BCL2L12: variants seen among roughly 807,000 people sequenced by gnomAD.
The protein encoded by BCL2L12 is BCL2 like 12.
BCL2L12 carries 27 observed loss-of-function variants against 25.7 expected under a neutral mutation model. That is an observed-to-expected ratio of 1.05 (90% CI 0.78 to 1.45). BCL2L12 has a LOEUF of 1.45. Ranked by LOEUF, BCL2L12 falls within the 40% of genes most tolerant of loss-of-function variation. The pLI is 0.00. For synonymous variants in BCL2L12, 132 were observed against 145.6 expected (o/e 0.91, Z 0.67); for missense variants, 302 against 329.8 (o/e 0.92, Z 0.65).
At chr19:49,665,311 A>G (rs1264120119), upstream of BCL2L12, 1 of 174,378 alleles carries the variant, frequency 5.7e-6, no homozygotes, top group Admixed American at 5.6e-5. Context: ...ACTTCCATTC[A>G]ATTCCCCTCC....
At position 49,673,774 on chromosome 19, in the gene BCL2L12, A is replaced by G; in HGVS notation, c.*26A>G. ...GCTCTTTCTCAGAAGCTGCTACAAG[A>G]TGACACCTCATGTCCCTGCCCTCTT... On this transcript the variant is annotated 3_prime_UTR_variant, in exon 7 of 7. Transcript: ENST00000246784. 1 of 1,613,558 alleles carries G rather than the reference A, an allele frequency of 6.2e-7. No individual in the cohort carries two copies.
rs2081940826 is a variant in BCL2L12, at chr19:49,670,547, G to C, written c.702+59G>C. 3 of 1,510,746 alleles carry C rather than the reference G, an allele frequency of 2.0e-6. No individual in the cohort carries two copies. In the African/African-American group the frequency reaches 4.2e-5, roughly 21 times the overall value. 93.6% of individuals were successfully genotyped at this position (1,510,746 alleles called of 1,614,324 possible). A position where few individuals can be genotyped will look rare whatever the true frequency, so the allele number is the denominator to read the frequency against. On this transcript the variant is annotated intron_variant, in intron 6 of 6. Transcript: ENST00000246784. ...CTTTACCTAACTGTCATGTGATAGA[G>C]GAGGGGCGGGGACTTCTTAGGTTCC... is the stretch of plus-strand genomic sequence containing the variant.
Position 49,669,072 on chromosome 19 carries a change from T to A in BCL2L12, c.386T>A (p.Leu129Gln). 1.2e-6 allele frequency: 2 copies of A among 1,614,148 alleles called. No homozygotes were observed. Among genetic ancestry groups the A allele is most frequent in the Non-Finnish European group, 1.7e-6 (2 of 1,180,012 alleles). ...STEKEAILRR[L>Q]VALLEEEAEV... ...GAGAAGGAAGCCATACTGCGGAGGC[T>A]GGTGGCCCTGCTGGAGGAGGAGGCA... is the stretch of plus-strand genomic sequence containing the variant. The change falls in exon 5 of 7, where the codon CTG becomes CAG. Residue 129 changes from leucine to glutamine, a missense_variant. Leu to Gln is a moderately radical substitution (Grantham distance 113). Transcript: ENST00000246784.
upstream of BCL2L12, chr19:49,665,746 C>G: frequency 1.3e-6 from 2 of 1,520,162 alleles, no homozygotes; most frequent in Non-Finnish European, 1.8e-6. Context: ...AGCTCTAGAG[C>G]GCTGGGGCTT....
rs112953697 is a variant in BCL2L12 at position 49,673,823 on chromosome 19, A to G, written c.*75A>G. ...TTCGTGTGCTTTTCCAAGTCTTCCTATTCCACTCAGGGCTGTGGGGTGGTG... is the reference window on the plus strand; with the variant it reads ...TTCGTGTGCTTTTCCAAGTCTTCCTGTTCCACTCAGGGCTGTGGGGTGGTG... On this transcript the variant is annotated 3_prime_UTR_variant, in exon 7 of 7. Transcript: ENST00000246784. The G allele has an allele frequency of 4.5e-6, 7 of 1,569,736 alleles. No individual in the cohort carries two copies. The highest frequency in any genetic ancestry group is 2.7e-5 in the African/African-American group (2 of 73,974).
chr19:49,665,468 T>C (rs761628459), upstream of BCL2L12: 43 of 213,224 alleles, frequency 2.0e-4, no homozygotes, highest in South Asian at 1.4e-3. Context: ...CTTTTTCTAG[T>C]TTTTCTGCAG....
chr19:49,665,541 C>T (rs906020331), upstream of BCL2L12: 3 of 387,788 alleles, frequency 7.7e-6, no homozygotes, highest in Non-Finnish European at 4.7e-6. Flanking sequence ...AGTACACAGC[C>T]TGCCTTTCCA....
Position 49,672,169 on chromosome 19 carries a change from G to A in BCL2L12, c.703-1529G>A, listed in dbSNP as rs1399490188. On this transcript the variant is annotated intron_variant, in intron 6 of 6. Coordinates refer to ENST00000246784, the MANE Select transcript of BCL2L12 (RefSeq NM_138639.2). The surrounding 1 kb of genome is among the most constrained non-coding windows in gnomAD (Gnocchi z 4.1). ...GCCCTGTGGCTTGGCGACTGTCGCA[G>A]TCTCCCTGAGCGGCACTCTCCCCAC... is the stretch of plus-strand genomic sequence containing the variant. 1.3e-5 allele frequency: 2 copies of A among 152,348 alleles called. No individual in the cohort carries two copies. Among genetic ancestry groups the A allele is most frequent in the African/African-American group, 4.8e-5 (2 of 41,454 alleles). 9.4% of individuals were successfully genotyped at this position (152,348 alleles called of 1,614,324 possible).
intron 3 of BCL2L12, among the ~76,000 whole-genome samples, 155 bp downstream of exon 3, chr19:49,667,316 G>T (rs1385586094): frequency 2.6e-5 from 4 of 152,162 alleles, no homozygotes; most frequent in Non-Finnish European, 5.9e-5. Context: ...TTAGATTTCT[G>T]TCAATTCTGT....
rs1281193291 is a variant in BCL2L12, at chr19:49,665,993, T to C, written c.-83T>C. The C allele has an allele frequency of 1.2e-6, 2 of 1,605,794 alleles. No homozygotes were observed. The highest frequency in any genetic ancestry group is 1.7e-6 in the Non-Finnish European group (2 of 1,175,612). On this transcript the variant is annotated 5_prime_UTR_variant, in exon 1 of 7. Coordinates refer to ENST00000246784, the MANE Select transcript of BCL2L12 (RefSeq NM_138639.2). ...GTGCGCAGGCGCGGGAAAGTTGAACTAATAAAGTTTGTACGAGTTCAGTGG... is the reference window on the plus strand; with the variant it reads ...GTGCGCAGGCGCGGGAAAGTTGAACCAATAAAGTTTGTACGAGTTCAGTGG...
chr19:49,671,543 C>T (rs965033111), intron 6 of BCL2L12, among the ~76,000 whole-genome samples: 1 of 152,064 alleles, frequency 6.6e-6, no homozygotes, highest in Non-Finnish European at 1.5e-5. Context: ...GCAGAGGAGC[C>T]GGGAGGATCA....
chr19:49,673,011 C>T (rs1431904440), intron 6 of BCL2L12, among the ~76,000 whole-genome samples: 5 of 152,156 alleles, frequency 3.3e-5, no homozygotes, highest in East Asian at 3.9e-4. Context: ...GGGTTACAGG[C>T]GCACACCACC....
chr19:49,672,521 G>T lies in BCL2L12; in HGVS notation c.703-1177G>T, dbSNP rs533045713. On this transcript the variant is annotated intron_variant, in intron 6 of 6. Transcript: ENST00000246784. This position sits in a 1 kb window ranked among gnomAD's most constrained non-coding sequence, Gnocchi z 4.1. ...CGCTAATGGGCGCCCTCTGGCGGCT[G>T]CCTGGGGACAGACTGCTGGGGGCGA... 6.4e-4 allele frequency among the ~76,000 whole-genome samples: 98 copies of T among 152,338 alleles called. No homozygotes were observed. The highest frequency in any genetic ancestry group is 1.0e-3 in the Non-Finnish European group (69 of 68,040).
chr19:49,668,740 A>C (rs1188228889), intron 3 of BCL2L12, 111 bp from the exon 4 acceptor site: 14 of 1,076,102 alleles, frequency 1.3e-5, no homozygotes, highest in Admixed American at 6.8e-5. Context: ...TACATAAATA[A>C]ATAATAAATA....
At chr19:49,668,779 T>A (rs939026094) in intron 3 of BCL2L12, 72 bp from the exon 4 acceptor site, 10 of 1,394,440 alleles carry the variant, frequency 7.2e-6, no homozygotes. Flanking sequence ...CCTGCCAAGG[T>A]AGTTGGGGGA....
intron 6 of BCL2L12, among the ~76,000 whole-genome samples, chr19:49,673,269 C>T (rs1179818478): frequency 1.3e-5 from 2 of 151,964 alleles, no homozygotes; most frequent in Admixed American, 6.6e-5. Flanking sequence ...CATTTAAACC[C>T]ACTACAACCT....
chr19:49,666,298 C>T (rs924776602), intron 1 of BCL2L12, among the ~76,000 whole-genome samples: 4 of 152,224 alleles, frequency 2.6e-5, no homozygotes, highest in African/African-American at 7.2e-5. Flanking sequence ...GTTCCCGATG[C>T]TTTAAGGGTT....
Position 49,670,338 on chromosome 19 carries a change from G to A in BCL2L12, c.552G>A (p.Gly184=). Residue 184 remains glycine, a synonymous_variant, in exon 6 of 7, where the codon GGG becomes GGA. Coordinates refer to ENST00000246784, the MANE Select transcript of BCL2L12 (RefSeq NM_138639.2). ...DSSRPSRACP[G]PPPPSPEPLA... ...CTCGCCCAAGCCGAGCATGCCCCGG[G>A]CCCCCGCCTCCTTCCCCGGAGCCCC... The A allele has an allele frequency of 6.2e-7, 1 of 1,600,750 alleles. No homozygotes were observed. Among genetic ancestry groups the A allele is most frequent in the Non-Finnish European group, 8.5e-7 (1 of 1,175,160 alleles).
chr19:49,666,036 G>A lies in BCL2L12; in HGVS notation c.-40G>A. On this transcript the variant is annotated 5_prime_UTR_variant, in exon 1 of 7. In the 5' UTR this introduces an upstream ATG that the reference lacks. Transcript: ENST00000246784. ...TTCAGTGGAGGAGACCGCAAGTTGA[G>A]TGGAGGAGGCGGCGGTGGGGCCCCG... 4 of 1,566,558 alleles carry A rather than the reference G, an allele frequency of 2.6e-6. No individual in the cohort carries two copies. The highest frequency in any genetic ancestry group is 3.5e-6 in the Non-Finnish European group (4 of 1,153,596).
Sources: gnomAD v4.1 joint callset for allele counts (sites outside exome capture counted in the v4.1 genomes callset) on GRCh38, gnomAD v4.1.1 for gene constraint, Gnocchi (gnomAD v3.1) non-coding constraint, MANE v1.5 for transcripts, NCBI Gene and HGNC (gene_info 2026-07-23, HGNC 2026-07-21) for gene names.